Variants in RYR1 observed in about 807,000 individuals in gnomAD.
The protein encoded by RYR1 is central core disease of muscle.
In RYR1, 342 loss-of-function variants were observed where a neutral mutation model predicts 583.5. The ratio of observed to expected loss-of-function variants is 0.59; its 90% CI spans 0.54 to 0.64. The LOEUF is 0.64. Among genes scored for constraint, RYR1 ranks in the 30% least tolerant of loss-of-function variants. The pLI is 0.00. For missense variants in RYR1, 6,032 were observed against 6,917.2 expected (o/e 0.87, Z 4.54); for synonymous variants, 2,791 against 2,822.5 (o/e 0.99, Z 0.35).
rs775107246 is a variant in RYR1, at chr19:38,536,707, T to G, written c.11591-43T>G. On this transcript the variant is annotated intron_variant, in intron 82 of 105. Transcript: ENST00000359596. ...CGGTCTGTCTCCCTCTCTTTTTCTC[T>G]CTTTTCTCCTGCTTCCTCCTCCCAT... is the stretch of plus-strand genomic sequence containing the variant. 1.4e-5 allele frequency: 22 copies of G among 1,613,226 alleles called. No individual in the cohort carries two copies. In the East Asian group the frequency reaches 4.5e-4, roughly 33 times the overall value.
Position 38,444,273 on chromosome 19 carries a change from C to A in RYR1, c.537+12C>A, listed in dbSNP as rs779869638. On this transcript the variant is annotated intron_variant, in intron 6 of 105. Coordinates refer to ENST00000359596, the MANE Select transcript of RYR1 (RefSeq NM_000540.3). This position sits in a 1 kb window ranked among gnomAD's most constrained non-coding sequence, Gnocchi z 5.1. ...CCGAGCGCTACCTGGTGAGCCATTG[C>A]GGTTCCTCCTGCTCCCAGGTCTGGG... The A allele has an allele frequency of 1.0e-5, 16 of 1,597,474 alleles. No homozygotes were observed. The Admixed American group carries it at 1.2e-4, about 12-fold the overall frequency.
rs1969431790 is a variant in RYR1, at chr19:38,489,091, T to C, written c.5548-86T>C. 3 of 1,160,348 alleles carry C rather than the reference T, an allele frequency of 2.6e-6. No individual in the cohort carries two copies. The South Asian group carries it at 3.7e-5, about 14-fold the overall frequency. The allele number at this position is 1,160,348 out of a possible 1,614,324, so 71.9% of individuals were successfully genotyped here. Reference sequence around the variant, plus strand: ...AATGCAGGAATGATTGGCATGTGCATGAGGGGCAGGTCTGGAGAATGAGGC... The same window carrying C: ...AATGCAGGAATGATTGGCATGTGCACGAGGGGCAGGTCTGGAGAATGAGGC... On this transcript the variant is annotated intron_variant, in intron 34 of 105. Transcript: ENST00000359596.
Position 38,570,623 on chromosome 19 carries a change from A to G in RYR1, c.13676A>G (p.Asn4559Ser), listed in dbSNP as rs1370267843. ...RVKFLNYLSR[N>S]FYTLRFLALF... ...CTCTCTCAGAACTACCTGTCCCGGA[A>G]CTTTTACACCCTGCGGTTCCTTGCC... is the stretch of plus-strand genomic sequence containing the variant. The change falls in exon 94 of 106, where the codon AAC becomes AGC. Residue 4559 changes from asparagine to serine, a missense_variant. Coordinates refer to ENST00000359596, the MANE Select transcript of RYR1 (RefSeq NM_000540.3). 6.2e-7 allele frequency: 1 copy of G among 1,613,988 alleles called. No individual in the cohort carries two copies.
intron 39 of RYR1, among the ~76,000 whole-genome samples, chr19:38,495,188 G>A (rs994851467): frequency 9.2e-5 from 14 of 152,070 alleles, no homozygotes; most frequent in African/African-American, 3.4e-4. Context: ...TTCCTCATCT[G>A]TAAAACCGGG....
rs368835421 is a variant in RYR1, at chr19:38,548,280, G to T, written c.12142G>T (p.Val4048Leu). 8 of 1,614,102 alleles carry T rather than the reference G, an allele frequency of 5.0e-6. No homozygotes were observed. Among genetic ancestry groups the T allele is most frequent in the Non-Finnish European group, 6.8e-6 (8 of 1,180,050 alleles). The change falls in exon 89 of 106, where the codon GTG becomes TTG. Residue 4048 changes from valine (V) to leucine (L), a missense_variant. Physicochemically the swap from Val to Leu is conservative, Grantham distance 32. Transcript: ENST00000359596. ...CGCCCGGCAGATGGTGGACATGCTCGTGGAATCCTCATCCAATGTGGAGAT... is the reference window on the plus strand; with the variant it reads ...CGCCCGGCAGATGGTGGACATGCTCTTGGAATCCTCATCCAATGTGGAGAT... ...MIARQMVDMLVESSSNVEMIL... is the reference protein window; with the variant it reads ...MIARQMVDMLLESSSNVEMIL...
At chr19:38,465,487 G>A (rs138041722) in intron 23 of RYR1, among the ~76,000 whole-genome samples, 3 of 151,844 alleles carry the variant, frequency 2.0e-5, no homozygotes, top group Admixed American at 6.6e-5. Flanking sequence ...AAAAAGAGCC[G>A]GGCTCAGTCG....
At chr19:38,551,884 C>G (rs566789939) in intron 89 of RYR1, among the ~76,000 whole-genome samples, 1 of 152,272 alleles carries the variant, frequency 6.6e-6, no homozygotes, top group South Asian at 2.1e-4. Flanking sequence ...TCACTCTGTG[C>G]CCTGCGTATA....
chr19:38,509,318 A>G (rs1970617606), intron 58 of RYR1, among the ~76,000 whole-genome samples: 1 of 152,080 alleles, frequency 6.6e-6, no homozygotes, highest in South Asian at 2.1e-4. Flanking sequence ...CCTCATCTGA[A>G]AAATGGGGGT....
rs761428539 is a variant in RYR1, at chr19:38,458,264, C to T, written c.2139C>T (p.Tyr713=). The T allele has an allele frequency of 1.4e-5, 23 of 1,613,922 alleles. No homozygotes were observed. Among genetic ancestry groups the T allele is most frequent in the Middle Eastern group, 1.6e-4 (1 of 6,084 alleles). ...GGGTCGGCGATGACCTCTATTCCTA[C>T]GGCTTTGATGGACTGCATCTCTGGA... The part of the protein sequence containing the change: ...GNGVGDDLYS[Y]GFDGLHLWTG... Residue 713 remains tyrosine (Y), a synonymous_variant, in exon 18 of 106, where the codon TAC becomes TAT. Coordinates refer to ENST00000359596, the MANE Select transcript of RYR1 (RefSeq NM_000540.3).
intron 11 of RYR1, among the ~76,000 whole-genome samples, chr19:38,449,178 G>A (rs113198293): frequency 6.6e-5 from 10 of 152,268 alleles, no homozygotes; most frequent in South Asian, 2.1e-4. Flanking sequence ...ACAGAGACAC[G>A]GCCGGGCGTG....
Position 38,527,716 on chromosome 19 carries a change from G to A in RYR1, c.10756G>A (p.Ala3586Thr), listed in dbSNP as rs1971531803. The A allele has an allele frequency of 1.2e-6, 2 of 1,614,110 alleles. No individual in the cohort carries two copies. Among genetic ancestry groups the A allele is most frequent in the Non-Finnish European group, 1.7e-6 (2 of 1,180,014 alleles). Residue 3586 changes from alanine to threonine, a missense_variant, in exon 73 of 106, where the codon GCC (alanine) becomes ACC (threonine). This residue lies in a region of RYR1 where 1,493 missense variants were observed against 1,715.5 expected (regional missense o/e 0.87). Transcript: ENST00000359596. The part of the protein sequence containing the change: ...YRGVPGREED[A>T]DDPEKIVRRV... ...GGGCGTCCCGGGTCGCGAGGAGGACGCCGATGACCCCGAGAAAATCGTGCG... is the reference window on the plus strand; with the variant it reads ...GGGCGTCCCGGGTCGCGAGGAGGACACCGATGACCCCGAGAAAATCGTGCG...
Position 38,535,341 on chromosome 19 carries a change from A to G in RYR1, c.11465A>G (p.Lys3822Arg), listed in dbSNP as rs759272733. Residue 3822 changes from lysine to arginine, a missense_variant, in exon 81 of 106, where the codon AAG (lysine) becomes AGG (arginine). Lys to Arg is a conservative substitution (Grantham distance 26). Transcript: ENST00000359596. ...AAAATGCTGGATTATCTTAAGGACA[A>G]GAAGGAAGTTGGCTTCTTCCAGAGT... ...QQKMLDYLKD[K>R]KEVGFFQSIQ... 3 of 1,614,158 alleles carry G rather than the reference A, an allele frequency of 1.9e-6. No individual in the cohort carries two copies. Among genetic ancestry groups the G allele is most frequent in the Non-Finnish European group, 2.5e-6 (3 of 1,180,024 alleles).
At chr19:38,453,134 A>G in intron 13 of RYR1, 120 bp downstream of exon 13, 2 of 1,057,228 alleles carry the variant, frequency 1.9e-6, no homozygotes, top group Non-Finnish European at 2.8e-6. Context: ...AGGGTCTGAG[A>G]AGGGGGCGGG....
At chr19:38,509,822 C>T (rs1239020291) in intron 58 of RYR1, among the ~76,000 whole-genome samples, 1 of 152,148 alleles carries the variant, frequency 6.6e-6, no homozygotes, top group Non-Finnish European at 1.5e-5. Flanking sequence ...AATTTATTTC[C>T]ATTTTGAAAT....
At position 38,499,223 on chromosome 19, in the gene RYR1, G is replaced by A. The variant is rs112563513; in HGVS notation, c.7007G>A (p.Arg2336His). The change falls in exon 43 of 106, where the codon CGC becomes CAC. Residue 2336 changes from arginine to histidine, a missense_variant. Physicochemically the swap from Arg to His is conservative, Grantham distance 29. Coordinates refer to ENST00000359596, the MANE Select transcript of RYR1 (RefSeq NM_000540.3). This position sits in a 1 kb window ranked among gnomAD's most constrained non-coding sequence, Gnocchi z 7.3. The part of the protein sequence containing the change: ...CGGERYLDFL[R>H]FAVFVNGESV... ...GGAGAGCGCTACCTGGACTTCCTGC[G>A]CTTTGCTGTCTTCGTCAACGGTGAG... 3.1e-6 allele frequency: 5 copies of A among 1,614,088 alleles called. No individual in the cohort carries two copies. The highest frequency in any genetic ancestry group is 1.1e-5 in the South Asian group (1 of 91,086).
Position 38,548,373 on chromosome 19 carries a change from T to C in RYR1, c.12235T>C (p.Tyr4079His). The change falls in exon 89 of 106, where the codon TAC (tyrosine) becomes CAC (histidine). Residue 4079 changes from tyrosine (Y) to histidine (H), a missense_variant. Physicochemically the swap from Tyr to His is moderately conservative, Grantham distance 83. Around this residue, in one of 11 missense-constraint regions of RYR1, gnomAD observed 753 missense variants for 759.6 expected, o/e 0.99. Transcript: ENST00000359596. The part of the protein sequence containing the change: ...DIVGSEAFQD[Y>H]VTDPRGLISK... ...TGTGGGCTCTGAAGCCTTCCAGGAC[T>C]ACGTAACGGATCCCCGTGGCCTCAT... is the stretch of plus-strand genomic sequence containing the variant. 3.1e-6 allele frequency: 5 copies of C among 1,614,138 alleles called. No individual in the cohort carries two copies. Among genetic ancestry groups the C allele is most frequent in the African/African-American group, 1.3e-5 (1 of 75,028 alleles).
intron 31 of RYR1, among the ~76,000 whole-genome samples, chr19:38,480,150 G>GT (rs1350477998): frequency 2.8e-4 from 43 of 150,968 alleles, no homozygotes; most frequent in African/African-American, 1.0e-3. Context: ...TTTTTTGTCT[G>GT]TTTGTTTTTT....
At chr19:38,467,954 C>A in intron 25 of RYR1, 142 bp downstream of exon 25, 2 of 719,128 alleles carry the variant, frequency 2.8e-6, no homozygotes, top group Non-Finnish European at 4.8e-6. Flanking sequence ...ATCTATCCAT[C>A]CATTCAACCA....
rs1968275977 is a variant in RYR1, at chr19:38,469,070, C to T, written c.3486C>T (p.Thr1162=). ...TCACAGAGAACACCATTATCTTCAC[C>T]CTCAATGGCGAGGTCCTCATGTCTG... The part of the protein sequence containing the change: ...IDLTENTIIF[T]LNGEVLMSDS... The change falls in exon 26 of 106, where the codon ACC becomes ACT. Residue 1162 remains threonine (T), a synonymous_variant. Transcript: ENST00000359596. 6.2e-7 allele frequency: 1 copy of T among 1,614,156 alleles called. No homozygotes were observed.
Sources: allele counts gnomAD v4.1 joint callset (sites outside exome capture counted in the v4.1 genomes callset), GRCh38; gene constraint gnomAD v4.1.1; regional missense constraint gnomAD v4.1.1; non-coding constraint Gnocchi (gnomAD v3.1); transcripts MANE v1.5; gene names NCBI Gene and HGNC (gene_info 2026-07-23, HGNC 2026-07-21).